PPP2R1B: variants seen among roughly 807,000 people sequenced by gnomAD.
PPP2R1B encodes serine/threonine-protein phosphatase 2A 65 kDa regulatory subunit A beta isoform.
A neutral mutation model predicts 72.7 loss-of-function variants in PPP2R1B; 58 were observed. That is an observed-to-expected ratio of 0.80 (90% CI 0.65 to 0.99). PPP2R1B has a LOEUF of 0.99. Among genes scored for constraint, PPP2R1B ranks in the 50% least tolerant of loss-of-function variants. The pLI is 0.00. For synonymous variants in PPP2R1B, 256 were observed against 264.6 expected (o/e 0.97, Z 0.32); for missense variants, 695 against 733.6 (o/e 0.95, Z 0.61).
At chr11:111,765,753 C>G in intron 1 of PPP2R1B, 2 of 479,742 alleles carry the variant, frequency 4.2e-6, no homozygotes, top group South Asian at 3.1e-5. Flanking sequence ...AGAGCGGATA[C>G]ACTACTCGTC....
intron 8 of PPP2R1B, 104 bp downstream of exon 8, chr11:111,754,395 C>T: frequency 7.0e-7 from 1 of 1,430,822 alleles, no homozygotes; most frequent in South Asian, 1.4e-5. Context: ...TCCCTGTCAA[C>T]CTTTAAACTC....
chr11:111,712,122 C>A, the PPP2R1B span: 1 of 1,299,740 alleles, frequency 7.7e-7, no homozygotes, highest in Non-Finnish European at 1.1e-6. Flanking sequence ...TTAATTGCCA[C>A]AGGAAGAATT....
intron 3 of PPP2R1B, among the ~76,000 whole-genome samples, chr11:111,763,631 G>A (rs1188181708): frequency 6.6e-6 from 1 of 152,194 alleles, no homozygotes; most frequent in Non-Finnish European, 1.5e-5. Context: ...TGGATTAGAT[G>A]TGTGGAACAA....
At chr11:111,702,055 G>T in the PPP2R1B span, among the ~76,000 whole-genome samples, 6 of 152,084 alleles carry the variant, frequency 3.9e-5, no homozygotes, top group African/African-American at 1.4e-4. Flanking sequence ...TTTCATTTTG[G>T]TTATCATTCT....
At chr11:111,757,189 A>G (rs1278161926) in intron 5 of PPP2R1B, among the ~76,000 whole-genome samples, 4 of 152,196 alleles carry the variant, frequency 2.6e-5, no homozygotes, top group African/African-American at 9.6e-5. Context: ...TGTGTATTAT[A>G]CATATATAAG....
At chr11:111,724,349 G>A, downstream of PPP2R1B, 1 of 613,862 alleles carries the variant, frequency 1.6e-6, no homozygotes, top group East Asian at 3.0e-5. Context: ...GAACATAGTT[G>A]TAGGCTGAGG....
chr11:111,741,887 G>A, intron 14 of PPP2R1B, 166 bp downstream of exon 14: 1 of 771,374 alleles, frequency 1.3e-6, no homozygotes, highest in East Asian at 2.6e-5. Context: ...GAAAATGGTG[G>A]GCCAAGAGGG....
chr11:111,701,137 C>T, the PPP2R1B span: 1 of 1,250,122 alleles, frequency 8.0e-7, no homozygotes, highest in Non-Finnish European at 1.1e-6. This position sits in a 1 kb window ranked among gnomAD's most constrained non-coding sequence, Gnocchi z 4.2. Flanking sequence ...ATCCACTGGA[C>T]TATAATTACT....
chr11:111,753,199 T>G (rs372453749), intron 9 of PPP2R1B, among the ~76,000 whole-genome samples: 5 of 152,260 alleles, frequency 3.3e-5, no homozygotes, highest in Middle Eastern at 3.4e-3. Context: ...CCAGGGAGTA[T>G]AAAGCAAAAA....
At chr11:111,745,006 C>G (rs1196627011) in intron 11 of PPP2R1B, among the ~76,000 whole-genome samples, 2 of 151,786 alleles carry the variant, frequency 1.3e-5, no homozygotes, top group Non-Finnish European at 2.9e-5. Flanking sequence ...GTCCTCCCCA[C>G]TAAAGAGGAG....
chr11:111,714,149 G>A, the PPP2R1B span, among the ~76,000 whole-genome samples: 1 of 152,182 alleles, frequency 6.6e-6, no homozygotes, highest in Non-Finnish European at 1.5e-5. Context: ...GATGTCTACA[G>A]TGGAGACAAG....
the PPP2R1B span, among the ~76,000 whole-genome samples, chr11:111,719,406 AAC>A: frequency 6.7e-6 from 1 of 150,084 alleles, no homozygotes; most frequent in Non-Finnish European, 1.5e-5. Context: ...AAAAAAAAAA[AAC>A]AACTCATCTT....
chr11:111,714,509 C>T, the PPP2R1B span, among the ~76,000 whole-genome samples: 23 of 152,258 alleles, frequency 1.5e-4, no homozygotes, highest in Non-Finnish European at 2.5e-4. Context: ...ACCAGGAAGA[C>T]AGGTTAGAGC....
rs1369619636 is a variant in PPP2R1B at position 111,741,024 on chromosome 11, C to T, written c.*572G>A. The T allele has an allele frequency of 4.1e-6, 4 of 985,698 alleles. No individual in the cohort carries two copies. Among genetic ancestry groups the T allele is most frequent in the Non-Finnish European group, 1.2e-6 (1 of 830,132 alleles). The allele number at this position is 985,698 out of a possible 1,614,324, so 61.1% of individuals were successfully genotyped here. A position where few individuals can be genotyped will look rare whatever the true frequency, so the allele number is the denominator to read the frequency against. On this transcript the variant is annotated 3_prime_UTR_variant, in exon 15 of 15. Coordinates refer to ENST00000527614, the MANE Select transcript of PPP2R1B (RefSeq NM_002716.5). The stretch of plus-strand genomic sequence containing the variant: ...ATTGAGCAAATAAAAACCAAAACAA[C>T]CACTACATTAACCCTGAGCTTCCAC...
chr11:111,728,022 T>C (rs12290773), intron 15 of PPP2R1B: 20 of 152,232 alleles, frequency 1.3e-4, no homozygotes, highest in African/African-American at 4.8e-4. Flanking sequence ...TTTTTCCCAT[T>C]CGACCTCCTA....
chr11:111,751,159 A>G (rs1022389209), intron 10 of PPP2R1B, among the ~76,000 whole-genome samples: 2 of 151,970 alleles, frequency 1.3e-5, no homozygotes, highest in Admixed American at 1.3e-4. Context: ...TCTTTTCTAT[A>G]TGGTGATTCC....
rs1432862014 is a variant in PPP2R1B, at chr11:111,739,466, CAAT to C, written c.*2127_*2129del. On this transcript the variant is annotated 3_prime_UTR_variant, in exon 15 of 15. Coordinates refer to ENST00000527614, the MANE Select transcript of PPP2R1B (RefSeq NM_002716.5). ...CTCTATTGCTTAAGTCAGAAGGAAACAATGAAACCCCTGAGGGGTCACCACAAA... is the reference window on the plus strand; with the variant it reads ...CTCTATTGCTTAAGTCAGAAGGAAACGAAACCCCTGAGGGGTCACCACAAA... 1.0e-6 allele frequency: 1 copy of C among 985,214 alleles called. No individual in the cohort carries two copies. The highest frequency in any genetic ancestry group is 1.2e-6 in the Non-Finnish European group (1 of 829,906). 61.0% of individuals were successfully genotyped at this position (985,214 alleles called of 1,614,324 possible).
chr11:111,742,797 G>A, intron 12 of PPP2R1B, 132 bp from the exon 13 acceptor site: 1 of 758,510 alleles, frequency 1.3e-6, no homozygotes. Flanking sequence ...GCTGAGTGGG[G>A]GACACAAGAA....
the PPP2R1B span, among the ~76,000 whole-genome samples, chr11:111,719,509 G>A: frequency 6.6e-6 from 1 of 151,950 alleles, no homozygotes; most frequent in Non-Finnish European, 1.5e-5. Flanking sequence ...CACTAAAAAA[G>A]TTGTTTATTG....
Sources: allele counts gnomAD v4.1 joint callset (sites outside exome capture counted in the v4.1 genomes callset), GRCh38; gene constraint gnomAD v4.1.1; non-coding constraint Gnocchi (gnomAD v3.1); transcripts MANE v1.5; gene names NCBI Gene and HGNC (gene_info 2026-07-23, HGNC 2026-07-21).